TEX19: variants seen among roughly 807,000 people sequenced by gnomAD.
The protein encoded by TEX19 is testis expressed 19, also known as testis-expressed protein 19.
For missense variants in TEX19, 184 were observed against 194.4 expected (o/e 0.95, Z 0.32); for synonymous variants, 77 against 73.9 (o/e 1.04, Z -0.21).
rs1567854523 is a variant in TEX19, at chr17:82,363,261, G to T, written c.*616G>T. The T allele has an allele frequency of 1.2e-5, 2 of 166,954 alleles. No homozygotes were observed. The highest frequency in any genetic ancestry group is 1.5e-5 in the Non-Finnish European group (1 of 68,138). 10.3% of individuals were successfully genotyped at this position (166,954 alleles called of 1,614,324 possible). A position where few individuals can be genotyped will look rare whatever the true frequency, so the allele number is the denominator to read the frequency against. ...GTCCTGGGCACACCAGGACATCAGA[G>T]ACTGGGAAGGGCCAGCAATTGCTGT... On this transcript the variant is annotated 3_prime_UTR_variant, in exon 2 of 2. Coordinates refer to ENST00000333437, the MANE Select transcript of TEX19 (RefSeq NM_207459.4).
intron 1 of TEX19, chr17:82,361,610 G>T (rs1766932918): frequency 1.0e-6 from 1 of 984,642 alleles, no homozygotes; most frequent in Non-Finnish European, 1.2e-6. Flanking sequence ...GTCCCCTCAG[G>T]CTCTGCCAGT....
rs2052407540 is a variant in TEX19 at position 82,362,867 on chromosome 17, AGT to A, written c.*226_*227del. On this transcript the variant is annotated 3_prime_UTR_variant, in exon 2 of 2. Coordinates refer to ENST00000333437, the MANE Select transcript of TEX19 (RefSeq NM_207459.4). The surrounding 1 kb of genome is among the most constrained non-coding windows in gnomAD (Gnocchi z 5.5). ...GGAAATTGCTGCTGGAGCCTGGTGA[AGT>A]GTGGGTGGTGAGACTCCAAGATGCA... 1 of 543,590 alleles carries A rather than the reference AGT, an allele frequency of 1.8e-6. No homozygotes were observed. The highest frequency in any genetic ancestry group is 3.2e-6 in the Non-Finnish European group (1 of 313,814). 33.7% of individuals were successfully genotyped at this position (543,590 alleles called of 1,614,324 possible). A position where few individuals can be genotyped will look rare whatever the true frequency, so the allele number is the denominator to read the frequency against.
intron 1 of TEX19, chr17:82,361,602 C>A: frequency 1.0e-6 from 1 of 982,970 alleles, no homozygotes; most frequent in Non-Finnish European, 1.2e-6. Flanking sequence ...TCCATCAGGT[C>A]CCCTCAGGCT....
chr17:82,360,903 C>T (rs534138242), intron 1 of TEX19, among the ~76,000 whole-genome samples: 8 of 140,068 alleles, frequency 5.7e-5, no homozygotes, highest in African/African-American at 2.2e-4. Context: ...CCCAGTTTCC[C>T]TCAAGTTTCC....
intron 1 of TEX19, 34 bp downstream of exon 1, chr17:82,359,319 G>A (rs2052354719): frequency 6.6e-6 from 1 of 152,394 alleles, no homozygotes; most frequent in Middle Eastern, 3.4e-3. Context: ...TCTGAGGAGG[G>A]GTCTCGGAGA....
Position 82,361,902 on chromosome 17 carries a change from G to T in TEX19, c.-249G>T. The T allele has an allele frequency of 1.4e-6, 1 of 730,270 alleles. No homozygotes were observed. Among genetic ancestry groups the T allele is most frequent in the Admixed American group, 3.7e-5 (1 of 27,106 alleles). The allele number at this position is 730,270 out of a possible 1,614,324, so 45.2% of individuals were successfully genotyped here. On this transcript the variant is annotated 5_prime_UTR_variant, in exon 2 of 2. Coordinates refer to ENST00000333437, the MANE Select transcript of TEX19 (RefSeq NM_207459.4). ...CAGCTCTCCTGAGACCACAGCAACT[G>T]CAGAAGCTGAAGACATTTCCAGAAG...
chr17:82,361,474 CCCCAGTTTCT>C (rs202206197), intron 1 of TEX19, among the ~76,000 whole-genome samples: 14 of 146,746 alleles, frequency 9.5e-5, no homozygotes, highest in Non-Finnish European at 1.4e-4. Flanking sequence ...CCTCAGTTTC[CCCCAGTTTCT>C]CTCAGGTTCC....
At chr17:82,359,760 CCAGCTTCCCT>C (rs2052363917) in intron 1 of TEX19, among the ~76,000 whole-genome samples, 1 of 121,338 alleles carries the variant, frequency 8.2e-6, no homozygotes, top group African/African-American at 3.3e-5. Flanking sequence ...TCAGTTTCCC[CCAGCTTCCCT>C]CAGGTTCCCT....
At chr17:82,360,138 C>G (rs1219576420) in intron 1 of TEX19, among the ~76,000 whole-genome samples, 2 of 65,920 alleles carry the variant, frequency 3.0e-5, no homozygotes, top group Non-Finnish European at 5.9e-5. Context: ...AAGTTTCCCT[C>G]AGGTTCCCCC....
intron 1 of TEX19, among the ~76,000 whole-genome samples, chr17:82,360,213 TC>T (rs1329763228): frequency 2.5e-4 from 16 of 65,150 alleles, no homozygotes; most frequent in African/African-American, 1.1e-3. Context: ...TCCCCCAGTT[TC>T]CCCCAGTTTC....
At position 82,361,895 on chromosome 17, in the gene TEX19, A is replaced by T. The variant is rs572206432; in HGVS notation, c.-256A>T. On this transcript the variant is annotated 5_prime_UTR_variant, in exon 2 of 2. Transcript: ENST00000333437. ...GCCTTTCCAGCTCTCCTGAGACCAC[A>T]GCAACTGCAGAAGCTGAAGACATTT... The T allele has an allele frequency of 1.4e-6, 1 of 722,900 alleles. No individual in the cohort carries two copies. The highest frequency in any genetic ancestry group is 3.8e-5 in the Admixed American group (1 of 26,458). 44.8% of individuals were successfully genotyped at this position (722,900 alleles called of 1,614,324 possible).
At chr17:82,361,773 C>A in intron 1 of TEX19, 107 bp from the exon 2 acceptor site, 2 of 1,069,332 alleles carry the variant, frequency 1.9e-6, no homozygotes, top group South Asian at 6.3e-5. Context: ...AGGGTCCCCA[C>A]TAAAGGGCCA....
intron 1 of TEX19, 136 bp from the exon 2 acceptor site, chr17:82,361,744 G>A (rs1374804470): frequency 1.9e-5 from 19 of 1,023,410 alleles, no homozygotes; most frequent in South Asian, 1.2e-4. Context: ...TCCCAGCCCC[G>A]GTGCTGTTCA....
Position 82,362,319 on chromosome 17 carries a change from G to A in TEX19, c.169G>A (p.Asp57Asn). The change falls in exon 2 of 2, where the codon GAC becomes AAC. Residue 57 changes from aspartate (D) to asparagine (N), a missense_variant. Physicochemically the swap from Asp to Asn is conservative, Grantham distance 23 (BLOSUM62 1). Transcript: ENST00000333437. The surrounding 1 kb of genome is among the most constrained non-coding windows in gnomAD (Gnocchi z 5.5). ...DLLESEDWEE[D>N]NWDPELMEHT... ...GCTGGAGTCAGAGGACTGGGAAGAA[G>A]ACAACTGGGACCCTGAGCTGATGGA... 1 of 1,613,932 alleles carries A rather than the reference G, an allele frequency of 6.2e-7. No homozygotes were observed. The highest frequency in any genetic ancestry group is 1.3e-5 in the African/African-American group (1 of 75,064).
In TEX19 at chr17:82,362,219, T is replaced by G. The variant is rs141219054; in HGVS notation, c.69T>G (p.Tyr23Ter). The G allele has an allele frequency of 6.2e-7, 1 of 1,613,812 alleles. No individual in the cohort carries two copies. Among genetic ancestry groups the G allele is most frequent in the South Asian group, 1.1e-5 (1 of 91,090 alleles). The change falls in exon 2 of 2, where the codon TAT becomes TAG. Residue 23 changes from tyrosine (Y) to a stop codon, truncating the protein, a stop_gained. Coordinates refer to ENST00000333437, the MANE Select transcript of TEX19 (RefSeq NM_207459.4). LOFTEE classifies it low-confidence loss of function (END_TRUNC). This position sits in a 1 kb window ranked among gnomAD's most constrained non-coding sequence, Gnocchi z 5.5. ...CCTACCTCTACGCCTCCTGGATGTA[T>G]CAGCTTCAACATGGAGATCAGCTAA... is the stretch of plus-strand genomic sequence containing the variant. The part of the protein sequence containing the change: ...GMSYLYASWM[Y>*]QLQHGDQLSI...
chr17:82,359,729 C>G (rs2052362976), intron 1 of TEX19, among the ~76,000 whole-genome samples: 2 of 144,934 alleles, frequency 1.4e-5, no homozygotes, highest in Non-Finnish European at 3.0e-5. Context: ...TCAAATTTCC[C>G]TCAGTTTCCC....
rs937727122 is a variant in TEX19 at position 82,362,986 on chromosome 17, C to G, written c.*341C>G. 9 of 232,144 alleles carry G rather than the reference C, an allele frequency of 3.9e-5. No individual in the cohort carries two copies. Among genetic ancestry groups the G allele is most frequent in the Non-Finnish European group, 6.4e-5 (7 of 110,070 alleles). The allele number at this position is 232,144 out of a possible 1,614,324, so 14.4% of individuals were successfully genotyped here. On this transcript the variant is annotated 3_prime_UTR_variant, in exon 2 of 2. Coordinates refer to ENST00000333437, the MANE Select transcript of TEX19 (RefSeq NM_207459.4). This position sits in a 1 kb window ranked among gnomAD's most constrained non-coding sequence, Gnocchi z 5.5. ...GCAGAGCTGGTCCCTGCAGCCTCAGCCCTGCAGAAGAGGATTCACCATAGT... is the reference window on the plus strand; with the variant it reads ...GCAGAGCTGGTCCCTGCAGCCTCAGGCCTGCAGAAGAGGATTCACCATAGT...
chr17:82,362,423 G>A lies in TEX19; in HGVS notation c.273G>A (p.Val91=), dbSNP rs2052403157. ...GGGGGCAGAGCCCAGGACAGCCTGT[G>A]CAGGGGGGCTCTGAGGCATGGGGGC... is the stretch of plus-strand genomic sequence containing the variant. ...LSWGQSPGQP[V]QGGSEAWGPG... Residue 91 remains valine, a synonymous_variant, in exon 2 of 2, where the codon GTG becomes GTA. Coordinates refer to ENST00000333437, the MANE Select transcript of TEX19 (RefSeq NM_207459.4). The surrounding 1 kb of genome is among the most constrained non-coding windows in gnomAD (Gnocchi z 5.5). 1 of 1,613,006 alleles carries A rather than the reference G, an allele frequency of 6.2e-7. No homozygotes were observed. The highest frequency in any genetic ancestry group is 8.5e-7 in the Non-Finnish European group (1 of 1,179,928).
intron 1 of TEX19, among the ~76,000 whole-genome samples, chr17:82,360,530 C>CCAGTTTCCCT (rs1194726200): frequency 0.016 from 1,013 of 64,638 alleles, 151 homozygotes; most frequent in Admixed American, 0.022. Flanking sequence ...TCAGGTTCCC[C>CCAGTTTCCCT]CAGTTTCCCT....
Sources: gnomAD v4.1 joint callset for allele counts (sites outside exome capture counted in the v4.1 genomes callset) on GRCh38, gnomAD v4.1.1 for gene constraint, Gnocchi (gnomAD v3.1) non-coding constraint, MANE v1.5 for transcripts, NCBI Gene and HGNC (gene_info 2026-07-23, HGNC 2026-07-21) for gene names.